LINGO1: variants seen among roughly 807,000 people sequenced by gnomAD.
LINGO1 encodes leucine rich repeat and Ig domain containing 1.
A neutral mutation model predicts 37.3 loss-of-function variants in LINGO1; 11 were observed. That is an observed-to-expected ratio of 0.29 (90% CI 0.19 to 0.49). LINGO1 has a LOEUF of 0.49. Ranked by LOEUF, LINGO1 falls within the 20% of genes least tolerant of loss-of-function variation. The pLI is 0.99. For synonymous variants in LINGO1, 387 were observed against 403.0 expected (o/e 0.96, Z 0.48); for missense variants, 585 against 878.2 (o/e 0.67, Z 4.22).
At chr15:77,714,025 C>T (rs2075953286) in intron 2 of LINGO1, among the ~76,000 whole-genome samples, 1 of 152,140 alleles carries the variant, frequency 6.6e-6, no homozygotes. Context: ...CCCACGTCCC[C>T]ATCCCCTATA....
chr15:77,762,197 C>T (rs1362467521), intron 1 of LINGO1, among the ~76,000 whole-genome samples: 1 of 152,154 alleles, frequency 6.6e-6, no homozygotes, highest in Non-Finnish European at 1.5e-5. Context: ...TGGACCGAGG[C>T]GTGGGTAGAA....
upstream of LINGO1, among the ~76,000 whole-genome samples, chr15:77,699,679 T>TTC (rs2075750563): frequency 2.1e-3 from 4 of 1,914 alleles, no homozygotes; most frequent in Admixed American, 8.3e-3. Context: ...CTAACCATCA[T>TTC]CTGCACACAG....
intron 1 of LINGO1, among the ~76,000 whole-genome samples, chr15:77,817,923 A>C (rs983575256): frequency 1.3e-5 from 2 of 152,238 alleles, no homozygotes; most frequent in African/African-American, 4.8e-5. Flanking sequence ...AGTAAGGTTT[A>C]AGCCTGAAAG....
At chr15:77,702,925 G>A (rs569035331) in intron 2 of LINGO1, among the ~76,000 whole-genome samples, 1 of 152,320 alleles carries the variant, frequency 6.6e-6, no homozygotes, top group East Asian at 1.9e-4. Context: ...GCTCCTGGAG[G>A]GCAGGCAACA....
intron 1 of LINGO1, among the ~76,000 whole-genome samples, chr15:77,813,897 G>A (rs570083520): frequency 2.4e-3 from 358 of 152,284 alleles, no homozygotes; most frequent in Non-Finnish European, 3.4e-3. Context: ...TCCCCACCCT[G>A]CCCCAGAAGG....
intron 1 of LINGO1, among the ~76,000 whole-genome samples, chr15:77,693,071 C>A (rs180944356): frequency 6.6e-6 from 1 of 152,220 alleles, no homozygotes; most frequent in Non-Finnish European, 1.5e-5. Context: ...CCCATGTGCA[C>A]GCGTGCACAC....
chr15:77,674,390 T>C (rs934175538), intron 3 of LINGO1, among the ~76,000 whole-genome samples: 1 of 152,196 alleles, frequency 6.6e-6, no homozygotes, highest in Non-Finnish European at 1.5e-5. Context: ...GTAATTCCAA[T>C]CATGCCATGT....
chr15:77,627,417 G>A (rs547048641), intron 1 of LINGO1, among the ~76,000 whole-genome samples: 4 of 152,220 alleles, frequency 2.6e-5, no homozygotes, highest in East Asian at 3.9e-4. Context: ...CTCGCGGGTC[G>A]GGGCCCTGCA....
At chr15:77,650,394 T>C (rs1025122768) in intron 3 of LINGO1, among the ~76,000 whole-genome samples, 3 of 152,188 alleles carry the variant, frequency 2.0e-5, no homozygotes, top group Admixed American at 1.3e-4. Flanking sequence ...CAGAATAAAA[T>C]AGTCCCTGCT....
chr15:77,676,641 T>G (rs960419209), intron 3 of LINGO1, among the ~76,000 whole-genome samples: 2 of 152,076 alleles, frequency 1.3e-5, no homozygotes, highest in Non-Finnish European at 2.9e-5. Flanking sequence ...ATTAGCACCA[T>G]CAGGCACTGC....
At chr15:77,706,516 C>T (rs2075854684) in intron 2 of LINGO1, among the ~76,000 whole-genome samples, 1 of 152,210 alleles carries the variant, frequency 6.6e-6, no homozygotes, top group Non-Finnish European at 1.5e-5. Flanking sequence ...GACCACCTAC[C>T]CAGCCCCACC....
chr15:77,794,277 C>CTTAT (rs1555543542), intron 2 of LINGO1, among the ~76,000 whole-genome samples: 1 of 105,788 alleles, frequency 9.5e-6, no homozygotes, highest in Non-Finnish European at 2.0e-5. Flanking sequence ...GAAACATATA[C>CTTAT]ATATATATAT....
intron 3 of LINGO1, chr15:77,646,556 GT>G (rs1330608532): frequency 2.5e-6 from 1 of 396,584 alleles, no homozygotes; most frequent in Non-Finnish European, 5.1e-6. Context: ...GGAACCTGGG[GT>G]TTCCCCCACT....
intron 3 of LINGO1, chr15:77,659,924 A>G (rs2074951473): frequency 6.6e-6 from 1 of 152,128 alleles, no homozygotes; most frequent in African/African-American, 2.4e-5. Flanking sequence ...GAACCAGAAG[A>G]CCTCCTGGTG....
chr15:77,705,206 C>CACACACACACACACACACACA (rs57434698), intron 2 of LINGO1, among the ~76,000 whole-genome samples: 27 of 149,072 alleles, frequency 1.8e-4, no homozygotes, highest in South Asian at 8.5e-4. Context: ...CACACACACA[C>CACACACACACACACACACACA]CAGTCCACTT....
At chr15:77,820,726 G>C (rs1164173532), upstream of LINGO1, 1 of 152,248 alleles carries the variant, frequency 6.6e-6, no homozygotes, top group African/African-American at 2.4e-5. Flanking sequence ...ATGGTGTTAG[G>C]TCCCCATAGA....
chr15:77,772,787 C>T lies in LINGO1; in HGVS notation c.-257+14082G>A, dbSNP rs564904694. Among the ~76,000 whole-genome samples, 74 of 152,308 alleles carry T rather than the reference C, an allele frequency of 4.9e-4. 1 individual carries two copies. The highest frequency in any genetic ancestry group is 1.7e-3 in the African/African-American group (69 of 41,560). On this transcript the variant is annotated intron_variant, in intron 1 of 3. Coordinates refer to the LINGO1 transcript ENST00000561686. ...CCAGAAAAGCCCTCTTTCCCCCCAC[C>T]TCCAGCTGCCTGCCCCCAGCAGCCA...
chr15:77,630,183 C>A (rs932286309), intron 1 of LINGO1, among the ~76,000 whole-genome samples: 1 of 152,126 alleles, frequency 6.6e-6, no homozygotes, highest in Admixed American at 6.5e-5. Flanking sequence ...CACCGCCCCC[C>A]ACCCTTCCCT....
intron 3 of LINGO1, among the ~76,000 whole-genome samples, chr15:77,657,552 T>G (rs540119278): frequency 6.6e-6 from 1 of 152,166 alleles, no homozygotes; most frequent in African/African-American, 2.4e-5. Flanking sequence ...CCAAAGGGGA[T>G]AGGCTTGACC....
Sources: gnomAD v4.1 joint callset for allele counts (sites outside exome capture counted in the v4.1 genomes callset) on GRCh38, gnomAD v4.1.1 for gene constraint, MANE v1.5 for transcripts, NCBI Gene and HGNC (gene_info 2026-07-23, HGNC 2026-07-21) for gene names.